The following PIEZO2 variants were observed in gnomAD, a reference collection of about 807,000 sequenced individuals.
The protein encoded by PIEZO2 is piezo type mechanosensitive ion channel component 2, also known as piezo-type mechanosensitive ion channel component 2.
Under a neutral mutation model 337.3 loss-of-function variants are expected in PIEZO2, and 172 were observed. The observed-to-expected ratio is 0.51, with a 90% CI of 0.45 to 0.58. The LOEUF is 0.58. Among genes scored for constraint, PIEZO2 ranks in the 20% least tolerant of loss-of-function variants. The pLI, the probability that PIEZO2 is intolerant of heterozygous loss-of-function variation, is 0.00. For synonymous variants in PIEZO2, 1,251 were observed against 1,228.5 expected, an observed-to-expected ratio of 1.02 and a Z score of -0.38; for missense variants, 3,028 against 3,391.3, an observed-to-expected ratio of 0.89 and a Z score of 2.66.
intron 15 of PIEZO2, among the ~76,000 whole-genome samples, chr18:10,787,890 C>T (rs1394567625): frequency 2.0e-5 from 3 of 152,080 alleles, no homozygotes; most frequent in Non-Finnish European, 4.4e-5. Flanking sequence ...TTTAATGTAT[C>T]TCATATATTA....
chr18:11,044,028 T>C (rs571407173), intron 2 of PIEZO2, among the ~76,000 whole-genome samples: 15 of 152,170 alleles, frequency 9.9e-5, no homozygotes, highest in African/African-American at 3.1e-4. Flanking sequence ...AGTATGTTAG[T>C]ACTGACATTT....
At chr18:10,900,210 C>CACAA in intron 4 of PIEZO2, among the ~76,000 whole-genome samples, 1 of 139,504 alleles carries the variant, frequency 7.2e-6, no homozygotes, top group African/African-American at 2.6e-5. Context: ...CACACACACA[C>CACAA]AAACACCTAA....
chr18:10,837,560 C>G lies in PIEZO2; in HGVS notation c.917+17793G>C, dbSNP rs1450766807. Among the ~76,000 whole-genome samples the G allele has an allele frequency of 6.6e-6, 1 of 152,154 alleles. No homozygotes were observed. The highest frequency in any genetic ancestry group is 1.5e-5 in the Non-Finnish European group (1 of 68,040). ...CTGGTAGATGGTATCAATATCTCTTCCCAATCCAAAATTCTATGGTACAAT... is the reference window on the plus strand; with the variant it reads ...CTGGTAGATGGTATCAATATCTCTTGCCAATCCAAAATTCTATGGTACAAT... On this transcript the variant is annotated intron_variant, in intron 7 of 55. Transcript: ENST00000674853. The surrounding 1 kb of genome is among the most constrained non-coding windows in gnomAD (Gnocchi z 4.4).
In PIEZO2 at chr18:10,982,036, C is replaced by T. The variant is rs186108061; in HGVS notation, c.161-2376G>A. On this transcript the variant is annotated intron_variant, in intron 2 of 55. Coordinates refer to ENST00000674853, the MANE Select transcript of PIEZO2 (RefSeq NM_001378183.1). This position sits in a 1 kb window ranked among gnomAD's most constrained non-coding sequence, Gnocchi z 4.1. ...CCAAATACCTCCCATCAGGCCCCACCTTTAGCATTGGGGGTCAAATTTCAA... is the reference window on the plus strand; with the variant it reads ...CCAAATACCTCCCATCAGGCCCCACTTTTAGCATTGGGGGTCAAATTTCAA... Among the ~76,000 whole-genome samples, 451 of 152,266 alleles carry T rather than the reference C, an allele frequency of 3.0e-3. 2 individuals carry two copies. Among genetic ancestry groups the T allele is most frequent in the African/African-American group, 0.011 (438 of 41,556 alleles).
chr18:11,071,754 T>C (rs1329706475), intron 1 of PIEZO2, among the ~76,000 whole-genome samples: 1 of 151,740 alleles, frequency 6.6e-6, no homozygotes, highest in African/African-American at 2.4e-5. Context: ...CCCTTCCAAC[T>C]CACAGAAGAC....
rs145593059 is a variant in PIEZO2, at chr18:10,886,749, G to A, written c.330-15334C>T. Among the ~76,000 whole-genome samples, 1,389 of 151,904 alleles carry A rather than the reference G, an allele frequency of 9.1e-3. 18 individuals carry two copies. Among genetic ancestry groups the A allele is most frequent in the Middle Eastern group, 0.048 (14 of 292 alleles). On this transcript the variant is annotated intron_variant, in intron 4 of 55. Coordinates refer to ENST00000674853, the MANE Select transcript of PIEZO2 (RefSeq NM_001378183.1). ...ATAAGTAACTGAAACCATGGAAAGTGAAATGGCTGATCAGGGGGAACTACT... is the reference window on the plus strand; with the variant it reads ...ATAAGTAACTGAAACCATGGAAAGTAAAATGGCTGATCAGGGGGAACTACT...
At chr18:10,753,557 G>C (rs903144806) in intron 27 of PIEZO2, among the ~76,000 whole-genome samples, 2 of 152,196 alleles carry the variant, frequency 1.3e-5, no homozygotes, top group Non-Finnish European at 2.9e-5. Flanking sequence ...CACACCTACA[G>C]GCCAAGTCCC....
At position 10,973,432 on chromosome 18, in the gene PIEZO2, C is replaced by G. The variant is rs144456267; in HGVS notation, c.286+6103G>C. ...CTCCATCTAGGTCGGCATATGTCTC[C>G]GTGAGGCAGTGCCTCAATCACCAGG... On this transcript the variant is annotated intron_variant, in intron 3 of 55. Transcript: ENST00000674853. The surrounding 1 kb of genome is among the most constrained non-coding windows in gnomAD (Gnocchi z 4.9). 6.6e-6 allele frequency among the ~76,000 whole-genome samples: 1 copy of G among 152,180 alleles called. No individual in the cohort carries two copies. The highest frequency in any genetic ancestry group is 2.4e-5 in the African/African-American group (1 of 41,448).
intron 43 of PIEZO2, 153 bp downstream of exon 43, chr18:10,701,836 T>C (rs75854921): frequency 4.8e-4 from 223 of 465,706 alleles, no homozygotes; most frequent in African/African-American, 4.3e-3. Context: ...TTCTCTCTCT[T>C]TTTTTTTTTA....
At position 11,127,567 on chromosome 18, in the gene PIEZO2, T is replaced by C. The variant is rs1371118564; in HGVS notation, c.64+20958A>G. 6.6e-6 allele frequency among the ~76,000 whole-genome samples: 1 copy of C among 152,070 alleles called. No individual in the cohort carries two copies. The highest frequency in any genetic ancestry group is 2.4e-5 in the African/African-American group (1 of 41,394). On this transcript the variant is annotated intron_variant, in intron 1 of 55. Transcript: ENST00000674853. The surrounding 1 kb of genome is among the most constrained non-coding windows in gnomAD (Gnocchi z 4.5). ...GCTGAATGCTTCCTGCCCTCGAACA[T>C]CAGGCTCCAAGTTCTTCAGTTTCGA...
At chr18:10,826,151 T>C (rs892434796) in intron 7 of PIEZO2, among the ~76,000 whole-genome samples, 1 of 152,238 alleles carries the variant, frequency 6.6e-6, no homozygotes, top group African/African-American at 2.4e-5. Flanking sequence ...GTTCCTTTTA[T>C]TGGAGAGTGG....
intron 5 of PIEZO2, among the ~76,000 whole-genome samples, chr18:10,860,088 C>T (rs899807816): frequency 4.6e-5 from 7 of 152,010 alleles, no homozygotes; most frequent in African/African-American, 1.5e-4. Flanking sequence ...GTTCTGAGAC[C>T]CCATTCAGGC....
chr18:11,049,346 T>C lies in PIEZO2; in HGVS notation c.160+16781A>G, dbSNP rs116335073. Among the ~76,000 whole-genome samples, 1,307 of 152,324 alleles carry C rather than the reference T, an allele frequency of 8.6e-3. 19 individuals carry two copies. The highest frequency in any genetic ancestry group is 0.029 in the African/African-American group (1,192 of 41,562). On this transcript the variant is annotated intron_variant, in intron 2 of 55. Transcript: ENST00000674853. ...AGATGGCAGAGCCAGATTAATATTCTGGTGACCAAGGGTCTGTCTTCTTTA... is the reference window on the plus strand; with the variant it reads ...AGATGGCAGAGCCAGATTAATATTCCGGTGACCAAGGGTCTGTCTTCTTTA...
chr18:10,880,879 A>ATATATC (rs2042397327), intron 4 of PIEZO2, among the ~76,000 whole-genome samples: 1 of 88,882 alleles, frequency 1.1e-5, no homozygotes, highest in African/African-American at 5.0e-5. Context: ...ATATATATAT[A>ATATATC]TATATATATA....
In PIEZO2 at chr18:11,009,754, T is replaced by C. The variant is rs980186902; in HGVS notation, c.161-30094A>G. Among the ~76,000 whole-genome samples the C allele has an allele frequency of 6.6e-5, 10 of 152,084 alleles. No homozygotes were observed. The highest frequency in any genetic ancestry group is 1.5e-4 in the Non-Finnish European group (10 of 68,024). ...TGAGATAGGGCCTTTAAAGAGGTAA[T>C]TCAGGTAGCACGAGGTCATAGAGGT... On this transcript the variant is annotated intron_variant, in intron 2 of 55. Transcript: ENST00000674853. This position sits in a 1 kb window ranked among gnomAD's most constrained non-coding sequence, Gnocchi z 4.6.
chr18:11,044,807 G>A (rs968105415), intron 2 of PIEZO2, among the ~76,000 whole-genome samples: 4 of 152,078 alleles, frequency 2.6e-5, no homozygotes, highest in Non-Finnish European at 5.9e-5. Context: ...TTACATTTTT[G>A]TCCACAGATC....
chr18:10,896,848 AC>A (rs2042915114), intron 4 of PIEZO2, among the ~76,000 whole-genome samples: 3 of 152,172 alleles, frequency 2.0e-5, no homozygotes, highest in Admixed American at 2.0e-4. Context: ...AGTTCTGCTC[AC>A]CACCTACTGC....
chr18:10,869,163 A>C (rs531526422), intron 5 of PIEZO2, among the ~76,000 whole-genome samples: 1 of 152,242 alleles, frequency 6.6e-6, no homozygotes, highest in African/African-American at 2.4e-5. Context: ...AATTTTATTT[A>C]GCATTCACAA....
chr18:11,087,164 G>A (rs959205232), intron 1 of PIEZO2, among the ~76,000 whole-genome samples: 33 of 152,148 alleles, frequency 2.2e-4, no homozygotes, highest in African/African-American at 7.0e-4. Flanking sequence ...ACCAGGAAAT[G>A]GACTCTCACC....
Sources: allele counts gnomAD v4.1 joint callset (sites outside exome capture counted in the v4.1 genomes callset), GRCh38; gene constraint gnomAD v4.1.1; non-coding constraint Gnocchi (gnomAD v3.1); transcripts MANE v1.5; gene names NCBI Gene and HGNC (gene_info 2026-07-23, HGNC 2026-07-21).